Variants in C1orf21 observed in about 807,000 individuals in gnomAD.
The protein encoded by C1orf21 is chromosome 1 open reading frame 21, also known as uncharacterized protein C1orf21.
Under a neutral mutation model 18.7 loss-of-function variants are expected in C1orf21, and 3 were observed. The observed-to-expected ratio is 0.16, with a 90% confidence interval of 0.07 to 0.42. The LOEUF is 0.42. Among genes scored for constraint, C1orf21 ranks in the 10% least tolerant of loss-of-function variants. The pLI is 0.99. For missense variants in C1orf21, 104 were observed against 143.6 expected (o/e 0.72, Z 1.41); for synonymous variants, 41 against 46.4 (o/e 0.88, Z 0.47).
In C1orf21 at chr1:184,624,436, C is replaced by T. The variant is rs906659791; in HGVS notation, c.*4880C>T. ...TATTTCTGCAGTTAGATACCAGATGCAACCAGAACAGGCTTTCGAGTGCTG... is the reference window on the plus strand; with the variant it reads ...TATTTCTGCAGTTAGATACCAGATGTAACCAGAACAGGCTTTCGAGTGCTG... On this transcript the variant is annotated 3_prime_UTR_variant, in exon 6 of 6. Coordinates refer to ENST00000235307, the MANE Select transcript of C1orf21 (RefSeq NM_030806.4). 1.3e-5 allele frequency: 2 copies of T among 152,286 alleles called. No homozygotes were observed. The highest frequency in any genetic ancestry group is 2.4e-5 in the African/African-American group (1 of 41,458). 9.4% of individuals were successfully genotyped at this position (152,286 alleles called of 1,614,324 possible).
At chr1:184,495,338 C>G (rs2101958082) in intron 2 of C1orf21, among the ~76,000 whole-genome samples, 1 of 152,288 alleles carries the variant, frequency 6.6e-6, no homozygotes, top group South Asian at 2.1e-4. Context: ...TTCACTTGTA[C>G]CCACCATCCC....
At chr1:184,388,231 C>G (rs954180639) in intron 1 of C1orf21, among the ~76,000 whole-genome samples, 1 of 152,178 alleles carries the variant, frequency 6.6e-6, no homozygotes, top group Non-Finnish European at 1.5e-5. Flanking sequence ...CATTTCTCTT[C>G]TAAAGCTCTG....
At chr1:184,396,356 A>C (rs1360258472) in intron 1 of C1orf21, among the ~76,000 whole-genome samples, 1 of 152,162 alleles carries the variant, frequency 6.6e-6, no homozygotes, top group Admixed American at 6.5e-5. Flanking sequence ...AGAACTGAAA[A>C]TGGAGAAAGG....
At chr1:184,427,440 T>C (rs948139916) in intron 1 of C1orf21, among the ~76,000 whole-genome samples, 5 of 152,100 alleles carry the variant, frequency 3.3e-5, no homozygotes, top group African/African-American at 1.2e-4. Flanking sequence ...GCTTTTTTTT[T>C]CCCCCAATGA....
chr1:184,548,247 ACACACACACT>A (rs1451864934), intron 3 of C1orf21, among the ~76,000 whole-genome samples: 3 of 150,314 alleles, frequency 2.0e-5, no homozygotes, highest in Non-Finnish European at 3.0e-5. Flanking sequence ...ACACACACAC[ACACACACACT>A]CACACACTCA....
intron 1 of C1orf21, among the ~76,000 whole-genome samples, chr1:184,405,811 G>C (rs1656239216): frequency 6.6e-6 from 1 of 152,154 alleles, no homozygotes; most frequent in Non-Finnish European, 1.5e-5. Context: ...CCTGGGAGCT[G>C]TTAGACTTGC....
chr1:184,531,505 C>G (rs988992344), intron 3 of C1orf21, among the ~76,000 whole-genome samples: 10 of 152,164 alleles, frequency 6.6e-5, no homozygotes, highest in African/African-American at 2.2e-4. Context: ...GAATATTTCT[C>G]TCTCCTTAAG....
chr1:184,554,602 A>T (rs1254520823), intron 3 of C1orf21, among the ~76,000 whole-genome samples: 1 of 152,198 alleles, frequency 6.6e-6, no homozygotes, highest in African/African-American at 2.4e-5. Flanking sequence ...AAAATAAGTG[A>T]TGGTTTTAAC....
At chr1:184,452,820 G>A (rs1424626385) in intron 1 of C1orf21, among the ~76,000 whole-genome samples, 4 of 152,068 alleles carry the variant, frequency 2.6e-5, no homozygotes, top group African/African-American at 9.7e-5. Flanking sequence ...AGCTCTCTCT[G>A]TCTTTCTTGT....
intron 1 of C1orf21, among the ~76,000 whole-genome samples, chr1:184,407,435 T>C (rs1239865295): frequency 2.0e-5 from 3 of 152,204 alleles, no homozygotes; most frequent in Non-Finnish European, 4.4e-5. Context: ...TCTGGTAACA[T>C]GTAATGTGAA....
intron 4 of C1orf21, 75 bp downstream of exon 4, chr1:184,590,890 A>G: frequency 7.7e-7 from 1 of 1,290,726 alleles, no homozygotes; most frequent in Non-Finnish European, 1.1e-6. Context: ...GGATTCAACT[A>G]CCCATGGATC....
chr1:184,446,421 C>T (rs914400867), intron 1 of C1orf21, among the ~76,000 whole-genome samples: 2 of 152,020 alleles, frequency 1.3e-5, no homozygotes, highest in African/African-American at 2.4e-5. Flanking sequence ...GTCGTCTGAT[C>T]GAGCTCAACA....
chr1:184,566,555 C>T, intron 3 of C1orf21: 1 of 365,938 alleles, frequency 2.7e-6, no homozygotes, highest in East Asian at 6.8e-5. Context: ...GCCTCAGGTG[C>T]TTCCTCTCTA....
intron 1 of C1orf21, among the ~76,000 whole-genome samples, chr1:184,474,344 C>T (rs1657539375): frequency 6.6e-6 from 1 of 152,024 alleles, no homozygotes; most frequent in Admixed American, 6.6e-5. Context: ...TAAATCATGT[C>T]TAATCTGCTT....
intron 5 of C1orf21, among the ~76,000 whole-genome samples, chr1:184,612,793 A>G (rs1659756462): frequency 1.3e-5 from 2 of 152,340 alleles, no homozygotes; most frequent in South Asian, 4.1e-4. Flanking sequence ...AGTTACCCAG[A>G]GTCAACAAGA....
intron 2 of C1orf21, among the ~76,000 whole-genome samples, chr1:184,483,038 T>C (rs928394478): frequency 2.0e-5 from 3 of 152,346 alleles, no homozygotes; most frequent in South Asian, 2.1e-4. Context: ...TTTACTTACA[T>C]ATTTTCTTTC....
At chr1:184,587,568 G>A (rs184042140) in intron 3 of C1orf21, among the ~76,000 whole-genome samples, 2,763 of 128,996 alleles carry the variant, frequency 0.021, 101 homozygotes, top group African/African-American at 0.076. Context: ...GTGTGTGTGT[G>A]TAGTGAATGG....
intron 2 of C1orf21, among the ~76,000 whole-genome samples, chr1:184,503,835 A>G (rs893463297): frequency 6.6e-6 from 1 of 152,162 alleles, no homozygotes; most frequent in African/African-American, 2.4e-5. Context: ...AAATGAATCA[A>G]CTAGAGAAAT....
chr1:184,575,501 A>T (rs937803938), intron 3 of C1orf21, among the ~76,000 whole-genome samples: 1 of 152,076 alleles, frequency 6.6e-6, no homozygotes, highest in African/African-American at 2.4e-5. Flanking sequence ...TAAATTTACA[A>T]TTAACCAGGA....
Sources: allele counts gnomAD v4.1 joint callset (sites outside exome capture counted in the v4.1 genomes callset), GRCh38; gene constraint gnomAD v4.1.1; transcripts MANE v1.5; gene names NCBI Gene and HGNC (gene_info 2026-07-23, HGNC 2026-07-21).